The following AIG1 variants were observed in gnomAD, a reference collection of about 807,000 sequenced individuals.
AIG1 encodes the protein androgen induced 1.
In AIG1, 23 loss-of-function variants were observed where a neutral mutation model predicts 31.4. That is an observed-to-expected ratio of 0.73 (90% CI 0.53 to 1.04). AIG1 has a LOEUF of 1.04. Among genes scored for constraint, AIG1 ranks in the 50% least tolerant of loss-of-function variants. The pLI is 0.00. For missense variants in AIG1, 274 were observed against 295.0 expected (o/e 0.93, Z 0.52); for synonymous variants, 100 against 110.5 (o/e 0.90, Z 0.60).
chr6:143,337,269 C>A (rs960757785), intron 5 of AIG1, among the ~76,000 whole-genome samples: 1 of 152,162 alleles, frequency 6.6e-6, no homozygotes, highest in Non-Finnish European at 1.5e-5. Flanking sequence ...GCCTCCCATG[C>A]AAGTCATGGG....
In AIG1 at chr6:143,275,695, A is replaced by G. The variant is rs1041862333; in HGVS notation, c.400-8415A>G. On this transcript the variant is annotated intron_variant, in intron 3 of 5. Transcript: ENST00000357847. ...ACCCAGTTCTAATGTCCACCATGAT[A>G]TGAGATCTTTCCTTGACATAACCAA... Among the ~76,000 whole-genome samples the G allele has an allele frequency of 2.6e-5, 4 of 152,202 alleles. No individual in the cohort carries two copies. The South Asian group carries it at 6.2e-4, about 24-fold the overall frequency.
chr6:143,285,235 T>C (rs1040471719), intron 4 of AIG1, among the ~76,000 whole-genome samples: 1 of 151,718 alleles, frequency 6.6e-6, no homozygotes, highest in African/African-American at 2.4e-5. Context: ...ATGCCCCAAA[T>C]CTGAGCAGAA....
At position 143,243,807 on chromosome 6, in the gene AIG1, AC is replaced by A. The variant is rs535010480; in HGVS notation, c.400-40302del. On this transcript the variant is annotated intron_variant, in intron 3 of 5. Transcript: ENST00000357847. ...GGGTGAAATAGGAAAACATATCCCA[AC>A]ATTATCAAGCACACACCTCTATGGG... is the stretch of plus-strand genomic sequence containing the variant. Among the ~76,000 whole-genome samples the A allele has an allele frequency of 3.3e-5, 5 of 152,206 alleles. No individual in the cohort carries two copies. The South Asian group carries it at 1.0e-3, about 32-fold the overall frequency.
chr6:143,224,628 C>T (rs1009039447), intron 3 of AIG1, among the ~76,000 whole-genome samples: 5 of 152,206 alleles, frequency 3.3e-5, no homozygotes, highest in Non-Finnish European at 5.9e-5. Flanking sequence ...TCTTAAGCTG[C>T]ACCAAGCAAA....
At chr6:143,227,050 C>A (rs1583562695) in intron 3 of AIG1, among the ~76,000 whole-genome samples, 1 of 147,106 alleles carries the variant, frequency 6.8e-6, no homozygotes, top group East Asian at 2.0e-4. Context: ...TTATGTGTGA[C>A]CCAAGGCAAT....
chr6:143,291,579 G>A lies in AIG1; in HGVS notation c.515+7354G>A, dbSNP rs1025767228. Among the ~76,000 whole-genome samples the A allele has an allele frequency of 3.3e-5, 5 of 152,260 alleles. No individual in the cohort carries two copies. The highest frequency in any genetic ancestry group is 2.1e-4 in the South Asian group (1 of 4,836). On this transcript the variant is annotated intron_variant, in intron 4 of 5. Transcript: ENST00000357847. The surrounding 1 kb of genome is among the most constrained non-coding windows in gnomAD (Gnocchi z 4.2). ...AAAGCCCCTTGCATAAGCACAGGCA[G>A]TGAAGTCAGAAGATATTCATCCTTC...
intron 4 of AIG1, among the ~76,000 whole-genome samples, chr6:143,311,953 C>T (rs1034955094): frequency 6.6e-6 from 1 of 151,918 alleles, no homozygotes; most frequent in African/African-American, 2.4e-5. Context: ...AAGTAACCCC[C>T]TTTACAATAG....
At position 143,216,212 on chromosome 6, in the gene AIG1, T is replaced by G. The variant is rs192751588; in HGVS notation, c.399+51029T>G. On this transcript the variant is annotated intron_variant, in intron 3 of 5. Transcript: ENST00000357847. ...AGACCCTTTCTCCCTTAATTGATCC[T>G]TATTTTATTATACAAAGTTCTGACA... Among the ~76,000 whole-genome samples, 16 of 152,344 alleles carry G rather than the reference T, an allele frequency of 1.1e-4. 1 individual carries two copies. The highest frequency in any genetic ancestry group is 1.0e-3 in the Admixed American group (16 of 15,304).
Position 143,256,522 on chromosome 6 carries a change from G to C in AIG1, c.400-27588G>C, listed in dbSNP as rs1411420229. On this transcript the variant is annotated intron_variant, in intron 3 of 5. Coordinates refer to ENST00000357847, the MANE Select transcript of AIG1 (RefSeq NM_016108.4). The surrounding 1 kb of genome is among the most constrained non-coding windows in gnomAD (Gnocchi z 4.6). ...CAGGTTTAGACATTTTTCTTGCACA[G>C]TGATTTTCAAATGTTTCTTTAGTTA... 5.3e-5 allele frequency among the ~76,000 whole-genome samples: 8 copies of C among 152,200 alleles called. No individual in the cohort carries two copies. Among genetic ancestry groups the C allele is most frequent in the African/African-American group, 1.9e-4 (8 of 41,458 alleles).
upstream of AIG1, among the ~76,000 whole-genome samples, chr6:143,059,598 A>G (rs949298994): frequency 2.0e-5 from 3 of 152,238 alleles, no homozygotes; most frequent in African/African-American, 7.2e-5. Context: ...CTATTAGCAT[A>G]ATTATAATGC....
intron 3 of AIG1, among the ~76,000 whole-genome samples, chr6:143,283,085 C>T (rs909159153): frequency 6.6e-6 from 1 of 152,270 alleles, no homozygotes; most frequent in East Asian, 1.9e-4. Context: ...AATATATATC[C>T]TGGCCCAGTT....
In AIG1 at chr6:143,133,127, ATGT is replaced by A. The variant is rs1336564385; in HGVS notation, c.142-3702_142-3700del. The stretch of plus-strand genomic sequence containing the variant: ...TATTGGATGATGGACATTGTGCGCT[ATGT>A]TGTTGAATGTCTGGAATTTGTTGTC... On this transcript the variant is annotated intron_variant, in intron 1 of 5. Transcript: ENST00000357847. Among the ~76,000 whole-genome samples, 6 of 152,214 alleles carry A rather than the reference ATGT, an allele frequency of 3.9e-5. No individual in the cohort carries two copies. In the East Asian group the frequency reaches 1.2e-3, roughly 29 times the overall value.
chr6:143,128,076 A>C (rs1475090628), intron 1 of AIG1, among the ~76,000 whole-genome samples: 1 of 152,244 alleles, frequency 6.6e-6, no homozygotes, highest in African/African-American at 2.4e-5. Flanking sequence ...TTTAGGAATA[A>C]ATGGTAGAAG....
intron 3 of AIG1, among the ~76,000 whole-genome samples, chr6:143,225,200 G>T (rs1002708835): frequency 2.0e-5 from 3 of 152,066 alleles, no homozygotes; most frequent in African/African-American, 7.2e-5. Flanking sequence ...TTCCAGAAAG[G>T]CTTCCCTTGT....
chr6:143,068,317 C>G (rs910400101), intron 1 of AIG1, among the ~76,000 whole-genome samples: 2 of 152,214 alleles, frequency 1.3e-5, no homozygotes, highest in Non-Finnish European at 2.9e-5. Context: ...GTGATCCAAG[C>G]GTGCTTGGAA....
intron 3 of AIG1, among the ~76,000 whole-genome samples, chr6:143,246,934 A>G (rs1029772151): frequency 6.6e-6 from 1 of 152,212 alleles, no homozygotes; most frequent in Non-Finnish European, 1.5e-5. Context: ...ATTCATGGCT[A>G]TGGTTTATGA....
At chr6:143,289,752 G>GA (rs1239495004) in intron 4 of AIG1, among the ~76,000 whole-genome samples, 1 of 151,964 alleles carries the variant, frequency 6.6e-6, no homozygotes, top group African/African-American at 2.4e-5. Context: ...GTAAGCCAGA[G>GA]AAAAAATTCT....
chr6:143,106,830 C>T (rs187383540), intron 1 of AIG1, among the ~76,000 whole-genome samples: 1 of 152,118 alleles, frequency 6.6e-6, no homozygotes, highest in African/African-American at 2.4e-5. Context: ...GATAAAGGTA[C>T]TTACAGATTC....
chr6:143,075,470 A>G (rs1408751211), intron 1 of AIG1, among the ~76,000 whole-genome samples: 1 of 151,794 alleles, frequency 6.6e-6, no homozygotes, highest in Non-Finnish European at 1.5e-5. Context: ...TGCCCAGACA[A>G]TTTTTTGTAC....
Sources: gnomAD v4.1 joint callset for allele counts (sites outside exome capture counted in the v4.1 genomes callset) on GRCh38, gnomAD v4.1.1 for gene constraint, Gnocchi (gnomAD v3.1) non-coding constraint, MANE v1.5 for transcripts, NCBI Gene and HGNC (gene_info 2026-07-23, HGNC 2026-07-21) for gene names.